Variants in RBFOX1 observed in about 807,000 individuals in gnomAD.
RBFOX1 encodes the protein RNA binding fox-1 homolog 1, also known as RNA binding protein fox-1 homolog 1.
Under a neutral mutation model 57.7 loss-of-function variants are expected in RBFOX1, and 8 were observed. The ratio of observed to expected loss-of-function variants is 0.14; its 90% CI spans 0.08 to 0.25. The LOEUF (loss-of-function observed/expected upper bound fraction) is 0.25. Ranked by LOEUF, RBFOX1 falls within the 10% of genes least tolerant of loss-of-function variation. RBFOX1 has a pLI of 1.00. For missense variants in RBFOX1, 611 were observed against 548.5 expected (o/e 1.11, Z -1.14); for synonymous variants, 326 against 222.4 (o/e 1.47, Z -4.15).
chr16:7,337,837 A>T (rs140172202), intron 4 of RBFOX1, among the ~76,000 whole-genome samples: 1 of 152,242 alleles, frequency 6.6e-6, no homozygotes, highest in Admixed American at 6.5e-5. Flanking sequence ...GGCACGTGCC[A>T]CCACACCCAG....
At chr16:6,010,168 A>G (rs1413315977) in intron 4 of RBFOX1, among the ~76,000 whole-genome samples, 1 of 152,046 alleles carries the variant, frequency 6.6e-6, no homozygotes, top group Non-Finnish European at 1.5e-5. Context: ...ACATGCATGC[A>G]GGCTGGACTT....
chr16:7,383,092 T>G (rs1436558538), intron 4 of RBFOX1, among the ~76,000 whole-genome samples: 1 of 152,140 alleles, frequency 6.6e-6, no homozygotes, highest in Non-Finnish European at 1.5e-5. Context: ...CAGTTGATCT[T>G]AGATTCTGAT....
At chr16:6,863,528 T>G (rs1200348366) in intron 3 of RBFOX1, among the ~76,000 whole-genome samples, 2 of 152,044 alleles carry the variant, frequency 1.3e-5, no homozygotes, top group Non-Finnish European at 2.9e-5. Flanking sequence ...TAATACTAAT[T>G]ACAATTATTT....
rs117384883 is a variant in RBFOX1, at chr16:6,291,644, T to C, written c.-126-25351T>C. On this transcript the variant is annotated intron_variant, in intron 1 of 15. Coordinates refer to ENST00000550418, the MANE Select transcript of RBFOX1 (RefSeq NM_018723.4). ...CAAATGCATATCCAATGGCATCCTT[T>C]GCCGTATTGTCTACATTATCTTATG... Among the ~76,000 whole-genome samples, 1,471 of 152,340 alleles carry C rather than the reference T, an allele frequency of 9.7e-3. 16 individuals are homozygous for C. Among genetic ancestry groups the C allele is most frequent in the Non-Finnish European group, 0.014 (983 of 68,032 alleles).
chr16:6,720,543 G>A (rs2065776695), intron 3 of RBFOX1, among the ~76,000 whole-genome samples: 1 of 152,224 alleles, frequency 6.6e-6, no homozygotes. Context: ...AGCAGGAACA[G>A]CAAAGGCAGA....
intron 3 of RBFOX1, among the ~76,000 whole-genome samples, chr16:5,654,334 A>T (rs931463760): frequency 6.6e-6 from 1 of 152,170 alleles, no homozygotes; most frequent in Non-Finnish European, 1.5e-5. Context: ...TGCAAGCCAG[A>T]TGTTAAGCCA....
intron 3 of RBFOX1, among the ~76,000 whole-genome samples, chr16:5,768,857 C>T (rs1370703328): frequency 6.6e-6 from 1 of 152,076 alleles, no homozygotes; most frequent in Non-Finnish European, 1.5e-5. Context: ...ACTACACGGA[C>T]CATCACTGTT....
chr16:5,737,708 A>G (rs1280816521), intron 3 of RBFOX1, among the ~76,000 whole-genome samples: 1 of 152,072 alleles, frequency 6.6e-6, no homozygotes, highest in Non-Finnish European at 1.5e-5. Flanking sequence ...TACAGAGCTC[A>G]AGATTGGATG....
chr16:6,891,575 C>T (rs1596343367), intron 3 of RBFOX1, among the ~76,000 whole-genome samples: 2 of 152,192 alleles, frequency 1.3e-5, no homozygotes, highest in African/African-American at 2.4e-5. Flanking sequence ...TCCAGTGCTC[C>T]AGGCATAGCA....
chr16:7,044,278 A>T (rs1477684332), intron 3 of RBFOX1, among the ~76,000 whole-genome samples: 1 of 152,196 alleles, frequency 6.6e-6, no homozygotes, highest in East Asian at 1.9e-4. Context: ...TAGAAAAGGA[A>T]AGCCACCTAA....
At chr16:6,890,238 G>A (rs373423332) in intron 3 of RBFOX1, among the ~76,000 whole-genome samples, 8 of 152,166 alleles carry the variant, frequency 5.3e-5, no homozygotes, top group Non-Finnish European at 1.2e-4. Context: ...ACCTAAGGAG[G>A]GTGGGCATGG....
At chr16:6,678,256 C>G (rs1413225653) in intron 3 of RBFOX1, among the ~76,000 whole-genome samples, 1 of 152,114 alleles carries the variant, frequency 6.6e-6, no homozygotes, top group Non-Finnish European at 1.5e-5. Context: ...TCTCAGGTAG[C>G]TGGGACTGCA....
chr16:7,336,543 G>T (rs1333691139), intron 4 of RBFOX1, among the ~76,000 whole-genome samples: 14 of 152,226 alleles, frequency 9.2e-5, no homozygotes, highest in Admixed American at 9.2e-4. Context: ...TATAACAAAA[G>T]TGACAGTCAT....
chr16:6,061,898 T>C (rs1268611000), intron 1 of RBFOX1, among the ~76,000 whole-genome samples: 1 of 152,122 alleles, frequency 6.6e-6, no homozygotes, highest in Non-Finnish European at 1.5e-5. Context: ...GATTAAGGAT[T>C]CTGCCGCCAA....
intron 1 of RBFOX1, among the ~76,000 whole-genome samples, chr16:6,209,302 T>C (rs867002131): frequency 3.9e-5 from 6 of 152,228 alleles, no homozygotes; most frequent in African/African-American, 1.4e-4. Context: ...TCTTTAGCAG[T>C]TGGGGTTACA....
At chr16:5,557,054 T>C (rs2151096678) in intron 2 of RBFOX1, among the ~76,000 whole-genome samples, 1 of 151,982 alleles carries the variant, frequency 6.6e-6, no homozygotes, top group East Asian at 1.9e-4. Context: ...GGTCAGGAGA[T>C]CAAGGCCATC....
At position 7,693,278 on chromosome 16, in the gene RBFOX1, G is replaced by C. The variant is rs754396373; in HGVS notation, c.996-15778G>C. ...ATTGGCAGAGAGCACATTTCCCCCTGAGCGAGCAGTATTGTGAATTTTATC... is the reference window on the plus strand; with the variant it reads ...ATTGGCAGAGAGCACATTTCCCCCTCAGCGAGCAGTATTGTGAATTTTATC... On this transcript the variant is annotated intron_variant, in intron 14 of 15. Transcript: ENST00000550418. 2.5e-6 allele frequency: 4 copies of C among 1,595,402 alleles called. 1 individual carries two copies. Among genetic ancestry groups the C allele is most frequent in the Non-Finnish European group, 3.4e-6 (4 of 1,163,372 alleles).
chr16:7,249,134 C>G (rs2094420211), intron 4 of RBFOX1, among the ~76,000 whole-genome samples: 2 of 152,148 alleles, frequency 1.3e-5, no homozygotes, highest in Non-Finnish European at 2.9e-5. Flanking sequence ...GGAATCAATG[C>G]TGAAAGGAAC....
intron 3 of RBFOX1, among the ~76,000 whole-genome samples, chr16:6,981,491 A>G (rs2088859207): frequency 6.6e-6 from 1 of 152,188 alleles, no homozygotes; most frequent in East Asian, 1.9e-4. Context: ...TATCCAGTGT[A>G]TTAGTCTGTT....
Sources: allele counts gnomAD v4.1 joint callset (sites outside exome capture counted in the v4.1 genomes callset), GRCh38; gene constraint gnomAD v4.1.1; transcripts MANE v1.5; gene names NCBI Gene and HGNC (gene_info 2026-07-23, HGNC 2026-07-21).